The following NRXN3 variants were observed in gnomAD, a reference collection of about 807,000 sequenced individuals.
NRXN3 encodes neurexin III.
A neutral mutation model predicts 137.6 loss-of-function variants in NRXN3; 32 were observed. That is an observed-to-expected ratio of 0.23 (90% CI 0.18 to 0.31). The LOEUF (loss-of-function observed/expected upper bound fraction) is 0.31. NRXN3 is among the 10% of genes least tolerant of loss of function. NRXN3 has a pLI of 1.00. For missense variants in NRXN3, 1,574 were observed against 2,062.5 expected (o/e 0.76, Z 4.59); for synonymous variants, 798 against 784.5 (o/e 1.02, Z -0.29).
chr14:78,318,143 AG>A (rs1339176666), intron 4 of NRXN3, among the ~76,000 whole-genome samples: 2 of 152,206 alleles, frequency 1.3e-5, no homozygotes, highest in African/African-American at 4.8e-5. Context: ...TTCCATGAGA[AG>A]GGGATGTCAA....
At chr14:79,246,601 C>A (rs1568767030) in intron 15 of NRXN3, 1 of 152,038 alleles carries the variant, frequency 6.6e-6, no homozygotes, top group African/African-American at 2.4e-5. Flanking sequence ...CACATCATGG[C>A]CTTCTTTAAA....
At chr14:78,550,974 T>G (rs534800177) in intron 4 of NRXN3, among the ~76,000 whole-genome samples, 81 of 152,360 alleles carry the variant, frequency 5.3e-4, no homozygotes, top group African/African-American at 1.9e-3. Context: ...TGACACTAAT[T>G]AAGGGTTAAT....
At chr14:79,128,947 T>A (rs78172318) in intron 15 of NRXN3, among the ~76,000 whole-genome samples, 2,693 of 152,258 alleles carry the variant, frequency 0.018, 60 homozygotes, top group African/African-American at 0.058. Context: ...TCTTCTAGAT[T>A]TTCTAGTTTA....
At chr14:78,796,595 T>G (rs1355338486) in intron 8 of NRXN3, among the ~76,000 whole-genome samples, 1 of 152,128 alleles carries the variant, frequency 6.6e-6, no homozygotes, top group African/African-American at 2.4e-5. Context: ...AATCAGGGAA[T>G]GAGAAAGCCC....
chr14:78,910,982 A>G (rs969797210), intron 10 of NRXN3, among the ~76,000 whole-genome samples: 48 of 152,200 alleles, frequency 3.2e-4, no homozygotes, highest in African/African-American at 8.4e-4. Flanking sequence ...TCCTCAATAA[A>G]TTTGACTTTT....
intron 15 of NRXN3, among the ~76,000 whole-genome samples, chr14:79,240,441 T>G (rs1466580867): frequency 6.6e-6 from 1 of 152,158 alleles, no homozygotes; most frequent in Non-Finnish European, 1.5e-5. Context: ...TTATGGTCCC[T>G]AACAGCCTTT....
intron 4 of NRXN3, among the ~76,000 whole-genome samples, chr14:78,423,378 G>GA (rs1475913706): frequency 3.3e-5 from 5 of 152,200 alleles, no homozygotes; most frequent in Middle Eastern, 3.4e-3. Context: ...CTTCTAAGGG[G>GA]AAAAAATCAG....
chr14:78,645,646 AAAAAACAACTCAGTTGTATAGATAAT>A (rs1264177908), intron 5 of NRXN3, among the ~76,000 whole-genome samples: 3 of 152,106 alleles, frequency 2.0e-5, no homozygotes, highest in Non-Finnish European at 4.4e-5. Context: ...TTAAGAAAAA[AAAAAACAACTCAGTTGTATAGATAAT>A]AAAAGTTGTA....
intron 19 of NRXN3, among the ~76,000 whole-genome samples, chr14:79,801,550 G>GCACACACACACACACACA (rs370807630): frequency 3.3e-5 from 5 of 152,160 alleles, no homozygotes; most frequent in East Asian, 3.9e-4. Flanking sequence ...GTGTGTGCAC[G>GCACACACACACACACACA]CACACACACA....
At chr14:78,972,111 T>A (rs554920071) in intron 14 of NRXN3, among the ~76,000 whole-genome samples, 135 of 152,144 alleles carry the variant, frequency 8.9e-4, no homozygotes, top group South Asian at 2.5e-3. Context: ...GCTAGGGTTT[T>A]AAAAAAAATC....
At chr14:79,054,884 T>C (rs958373132) in intron 15 of NRXN3, among the ~76,000 whole-genome samples, 1 of 152,064 alleles carries the variant, frequency 6.6e-6, no homozygotes, top group Non-Finnish European at 1.5e-5. Context: ...GAAGAGAAAA[T>C]ATAGTATTTT....
intron 8 of NRXN3, among the ~76,000 whole-genome samples, chr14:78,766,165 G>C (rs1467976299): frequency 6.6e-6 from 1 of 152,134 alleles, no homozygotes; most frequent in Non-Finnish European, 1.5e-5. Context: ...ATCATGGATG[G>C]TCCTTTGTAG....
intron 16 of NRXN3, among the ~76,000 whole-genome samples, chr14:79,608,170 G>C (rs1414165807): frequency 6.6e-6 from 1 of 152,146 alleles, no homozygotes; most frequent in South Asian, 2.1e-4. Context: ...ATTACTGCTA[G>C]ATGTAATGAG....
chr14:79,280,145 G>T (rs538395866), intron 15 of NRXN3: 23 of 1,454,780 alleles, frequency 1.6e-5, no homozygotes, highest in East Asian at 7.1e-5. Context: ...CTGATTCATT[G>T]TTTGGAAAGC....
chr14:79,803,765 T>C (rs1351798632), intron 19 of NRXN3, among the ~76,000 whole-genome samples: 13 of 151,966 alleles, frequency 8.6e-5, no homozygotes. Context: ...CTATGTGTTT[T>C]ACTAGCTGTA....
At chr14:78,751,980 T>C (rs2098644874) in intron 8 of NRXN3, among the ~76,000 whole-genome samples, 1 of 152,208 alleles carries the variant, frequency 6.6e-6, no homozygotes, top group Non-Finnish European at 1.5e-5. Flanking sequence ...GAATCCCAGT[T>C]GTTAGGAGAT....
chr14:79,835,798 T>C (rs2099340225), intron 20 of NRXN3, among the ~76,000 whole-genome samples: 1 of 152,160 alleles, frequency 6.6e-6, no homozygotes, highest in Non-Finnish European at 1.5e-5. Flanking sequence ...AGTATAAGGA[T>C]TTAGGATTTA....
intron 4 of NRXN3, among the ~76,000 whole-genome samples, chr14:78,467,634 ATCT>A (rs1473700328): frequency 6.6e-6 from 1 of 152,224 alleles, no homozygotes; most frequent in Non-Finnish European, 1.5e-5. Flanking sequence ...GCATGAACAC[ATCT>A]TCTATGTATC....
intron 2 of NRXN3, among the ~76,000 whole-genome samples, chr14:78,263,876 TGTGTGTGTGTG>T (rs1567116447): frequency 3.6e-4 from 2 of 5,482 alleles, no homozygotes; most frequent in East Asian, 0.025. Flanking sequence ...TTCTATTTTG[TGTGTGTGTGTG>T]TGTGTGTGTG....
Sources: gnomAD v4.1 joint callset for allele counts (sites outside exome capture counted in the v4.1 genomes callset) on GRCh38, gnomAD v4.1.1 for gene constraint, MANE v1.5 for transcripts, NCBI Gene and HGNC (gene_info 2026-07-23, HGNC 2026-07-21) for gene names.